The following VTI1A variants were observed in gnomAD, a reference collection of about 807,000 sequenced individuals.
VTI1A encodes the protein vesicle transport through interaction with t-SNAREs 1A.
A neutral mutation model predicts 34.9 loss-of-function variants in VTI1A; 22 were observed. That is an observed-to-expected ratio of 0.63 (90% CI 0.45 to 0.90). The LOEUF (loss-of-function observed/expected upper bound fraction) is 0.90. Among genes scored for constraint, VTI1A ranks in the 40% least tolerant of loss-of-function variants. The pLI is 0.00. For missense variants in VTI1A, 268 were observed against 275.6 expected, an observed-to-expected ratio of 0.97 and a Z score of 0.20; for synonymous variants, 87 against 97.3, an observed-to-expected ratio of 0.89 and a Z score of 0.62.
chr10:112,498,089 CACTGGATTATGTCCT>C (rs1849091785), intron 3 of VTI1A, among the ~76,000 whole-genome samples: 1 of 152,042 alleles, frequency 6.6e-6, no homozygotes, highest in Non-Finnish European at 1.5e-5. Flanking sequence ...GACCTTTCTC[CACTGGATTATGTCCT>C]ACATATAAAT....
chr10:112,669,970 C>G (rs1483941745), intron 7 of VTI1A, among the ~76,000 whole-genome samples: 2 of 152,142 alleles, frequency 1.3e-5, no homozygotes, highest in African/African-American at 4.8e-5. Context: ...CCTAAAGTTC[C>G]TGGGACATTT....
rs528567163 is a variant in VTI1A, at chr10:112,816,969, C to T, written c.*1586C>T. 31 of 231,604 alleles carry T rather than the reference C, an allele frequency of 1.3e-4. No individual in the cohort carries two copies. Among genetic ancestry groups the T allele is most frequent in the Non-Finnish European group, 2.3e-4 (27 of 117,086 alleles). 14.3% of individuals were successfully genotyped at this position (231,604 alleles called of 1,614,324 possible). ...GTAAATAAAGCTGCAGCCTTTACTT[C>T]GGAGGGATGGTGTGGGATTTTGGCC... On this transcript the variant is annotated 3_prime_UTR_variant, in exon 8 of 8. Coordinates refer to ENST00000393077, the MANE Select transcript of VTI1A (RefSeq NM_145206.4).
At chr10:112,743,081 G>A (rs1850753674) in intron 7 of VTI1A, among the ~76,000 whole-genome samples, 2 of 147,620 alleles carry the variant, frequency 1.4e-5, no homozygotes, top group Admixed American at 6.8e-5. Flanking sequence ...TTAAACATTT[G>A]GAAAATGAAT....
chr10:112,501,087 A>G (rs992670235), intron 3 of VTI1A, among the ~76,000 whole-genome samples: 5 of 152,202 alleles, frequency 3.3e-5, no homozygotes, highest in African/African-American at 1.2e-4. Context: ...CTTTCCTGGT[A>G]TCATCGAGGA....
At chr10:112,484,302 T>G (rs1489373240) in intron 3 of VTI1A, among the ~76,000 whole-genome samples, 1 of 152,250 alleles carries the variant, frequency 6.6e-6, no homozygotes, top group Non-Finnish European at 1.5e-5. Context: ...TGCTGAAAAT[T>G]TGAATACTTG....
intron 3 of VTI1A, among the ~76,000 whole-genome samples, chr10:112,471,584 G>A (rs191008191): frequency 8.8e-4 from 133 of 151,876 alleles, no homozygotes; most frequent in Non-Finnish European, 1.1e-3. Flanking sequence ...CTAAGCACCC[G>A]TTTTAATGTT....
chr10:112,798,821 C>G (rs1166056291), intron 7 of VTI1A, among the ~76,000 whole-genome samples: 2 of 152,176 alleles, frequency 1.3e-5, no homozygotes, highest in African/African-American at 4.8e-5. Context: ...CCTCATCCTC[C>G]AAGAGAGACC....
chr10:112,715,709 A>G (rs1849586095), intron 7 of VTI1A, among the ~76,000 whole-genome samples: 1 of 152,152 alleles, frequency 6.6e-6, no homozygotes, highest in Admixed American at 6.5e-5. Context: ...ATTTGATGAC[A>G]CACACCTGCT....
chr10:112,712,415 A>G (rs1283967813), intron 7 of VTI1A, among the ~76,000 whole-genome samples: 1 of 151,794 alleles, frequency 6.6e-6, no homozygotes, highest in Non-Finnish European at 1.5e-5. Flanking sequence ...CCCACAATAG[A>G]ACTCAGTAAC....
intron 7 of VTI1A, among the ~76,000 whole-genome samples, chr10:112,738,140 C>CGGCT (rs1259256338): frequency 6.6e-6 from 1 of 152,198 alleles, no homozygotes. Flanking sequence ...GATTTCTAGC[C>CGGCT]AGTCTGATTC....
chr10:112,766,834 T>C (rs959975400), intron 7 of VTI1A, among the ~76,000 whole-genome samples: 1 of 152,238 alleles, frequency 6.6e-6, no homozygotes. Context: ...CTTTAAGAAG[T>C]TGTGAGACTG....
intron 3 of VTI1A, among the ~76,000 whole-genome samples, chr10:112,498,504 GT>G (rs141659778): frequency 0.011 from 1,722 of 151,820 alleles, 32 homozygotes; most frequent in African/African-American, 0.04. Context: ...ACTTCTTAGA[GT>G]TCCTAGATAC....
At chr10:112,485,023 G>C (rs1269726891) in intron 3 of VTI1A, 1 of 152,086 alleles carries the variant, frequency 6.6e-6, no homozygotes, top group African/African-American at 2.4e-5. Context: ...GCTCACGCCT[G>C]TAATCCCAGC....
rs1196096087 is a variant in VTI1A, at chr10:112,799,559, C to T, written c.561-15731C>T. 2.0e-5 allele frequency among the ~76,000 whole-genome samples: 3 copies of T among 152,114 alleles called. No homozygotes were observed. The East Asian group carries it at 5.8e-4, about 29-fold the overall frequency. On this transcript the variant is annotated intron_variant, in intron 7 of 7. Transcript: ENST00000393077. Reference sequence around the variant, plus strand: ...CCTACAGCCTGCAGACTGGATCTCCCCCACCCTCACAGGACTTTCTTCCTT... The same window carrying T: ...CCTACAGCCTGCAGACTGGATCTCCTCCACCCTCACAGGACTTTCTTCCTT...
intron 5 of VTI1A, among the ~76,000 whole-genome samples, chr10:112,555,895 T>C (rs1851526361): frequency 6.6e-6 from 1 of 152,030 alleles, no homozygotes; most frequent in South Asian, 2.1e-4. Context: ...CTTATAAAAT[T>C]GCAACTGTCT....
chr10:112,833,170 G>A, the VTI1A span, among the ~76,000 whole-genome samples: 2 of 152,094 alleles, frequency 1.3e-5, no homozygotes, highest in East Asian at 1.9e-4. Context: ...ATTGCTAATC[G>A]ATCCTGGCTC....
intron 3 of VTI1A, among the ~76,000 whole-genome samples, chr10:112,470,605 G>A (rs936335258): frequency 1.3e-5 from 2 of 152,152 alleles, no homozygotes; most frequent in African/African-American, 2.4e-5. Context: ...TGCTGGGTGC[G>A]GTGGTTCATG....
chr10:112,450,824 A>G (rs1305767641), intron 1 of VTI1A: 1 of 152,116 alleles, frequency 6.6e-6, no homozygotes, highest in Non-Finnish European at 1.5e-5. Flanking sequence ...TTTTTTAATT[A>G]TTATGGTTCT....
intron 5 of VTI1A, among the ~76,000 whole-genome samples, chr10:112,590,896 T>G (rs1589945117): frequency 6.7e-6 from 1 of 148,186 alleles, no homozygotes; most frequent in Admixed American, 6.7e-5. Context: ...AGGCCAGGAG[T>G]TTGAGACCAG....
Sources: allele counts gnomAD v4.1 joint callset (sites outside exome capture counted in the v4.1 genomes callset), GRCh38; gene constraint gnomAD v4.1.1; transcripts MANE v1.5; gene names NCBI Gene and HGNC (gene_info 2026-07-23, HGNC 2026-07-21).